The following A2ML1 variants were observed in gnomAD, a reference collection of about 807,000 sequenced individuals.
The protein encoded by A2ML1 is alpha-2-macroglobulin like 1.
In A2ML1, 161 loss-of-function variants were observed where a neutral mutation model predicts 181.9. The observed-to-expected ratio is 0.89, with a 90% CI of 0.78 to 1.01. The LOEUF (loss-of-function observed/expected upper bound fraction) is 1.01, where lower values mean the gene tolerates loss of function less well. Ranked by LOEUF, A2ML1 falls within the 50% of genes least tolerant of loss-of-function variation. The pLI, the probability that A2ML1 is intolerant of heterozygous loss-of-function variation, is 0.00. For synonymous variants in A2ML1, 663 were observed against 666.8 expected, an observed-to-expected ratio of 0.99 and a Z score of 0.09; for missense variants, 1,670 against 1,768.1, an observed-to-expected ratio of 0.94 and a Z score of 1.00.
intron 3 of A2ML1, among the ~76,000 whole-genome samples, chr12:8,825,819 A>G (rs1312169441): frequency 1.3e-5 from 2 of 152,206 alleles, no homozygotes; most frequent in Non-Finnish European, 2.9e-5. Flanking sequence ...GCATATGGAT[A>G]TCCAATTTTC....
At chr12:8,867,675 T>A (rs1439477503) in intron 29 of A2ML1, among the ~76,000 whole-genome samples, 167 bp from the exon 30 acceptor site, 1 of 150,778 alleles carries the variant, frequency 6.6e-6, no homozygotes, top group Non-Finnish European at 1.5e-5. Context: ...GCTACTGTGA[T>A]TTCTAGGCCA....
At chr12:8,838,773 A>G (rs1202796018) in intron 9 of A2ML1, among the ~76,000 whole-genome samples, 2 of 151,922 alleles carry the variant, frequency 1.3e-5, no homozygotes, top group Non-Finnish European at 2.9e-5. Flanking sequence ...TTAGCCGGGC[A>G]TGGTGACGGG....
intron 22 of A2ML1, among the ~76,000 whole-genome samples, 174 bp downstream of exon 22, chr12:8,855,005 C>T (rs780458613): frequency 1.3e-4 from 20 of 151,418 alleles, no homozygotes; most frequent in African/African-American, 4.6e-4. Context: ...AGTGATTCTA[C>T]TGCCTTAGTC....
chr12:8,865,639 T>C (rs983406839), intron 29 of A2ML1, among the ~76,000 whole-genome samples: 2 of 152,170 alleles, frequency 1.3e-5, no homozygotes, highest in Non-Finnish European at 2.9e-5. Context: ...AGGAGAAACA[T>C]TGGACTTGAA....
chr12:8,870,726 G>A (rs898535861), intron 33 of A2ML1, among the ~76,000 whole-genome samples: 4 of 152,120 alleles, frequency 2.6e-5, no homozygotes, highest in African/African-American at 9.7e-5. Flanking sequence ...AGGAGACAGA[G>A]TTGGAGAGAG....
chr12:8,831,775 G>A (rs12308001), intron 4 of A2ML1, among the ~76,000 whole-genome samples: 4,613 of 151,828 alleles, frequency 0.03, 244 homozygotes, highest in African/African-American at 0.11. Context: ...TTGAGACGGA[G>A]TTTCATTCTT....
intron 11 of A2ML1, among the ~76,000 whole-genome samples, chr12:8,842,463 C>T (rs1340907783): frequency 3.9e-5 from 6 of 152,126 alleles, no homozygotes; most frequent in Non-Finnish European, 8.8e-5. Context: ...TCGTGATCCG[C>T]CCGCCTTGGC....
chr12:8,879,318 C>A (rs1240387946), downstream of A2ML1, among the ~76,000 whole-genome samples: 1 of 151,966 alleles, frequency 6.6e-6, no homozygotes. Context: ...ATGGTGAAAC[C>A]CTGTCCCTAC....
downstream of A2ML1, among the ~76,000 whole-genome samples, chr12:8,878,739 G>T (rs1464594182): frequency 2.0e-5 from 3 of 152,166 alleles, no homozygotes; most frequent in Non-Finnish European, 4.4e-5. This position sits in a 1 kb window ranked among gnomAD's most constrained non-coding sequence, Gnocchi z 4.4. Context: ...CAAGGTGGGT[G>T]GATCGCTTGA....
chr12:8,837,865 G>A (rs1165146205), intron 8 of A2ML1, among the ~76,000 whole-genome samples: 2 of 141,888 alleles, frequency 1.4e-5, no homozygotes, highest in African/African-American at 5.3e-5. Context: ...GGGTGACAGA[G>A]CAACACTCAG....
chr12:8,877,114 G>A (rs1322290276), downstream of A2ML1, among the ~76,000 whole-genome samples: 9 of 152,174 alleles, frequency 5.9e-5, no homozygotes, highest in African/African-American at 9.7e-5. Flanking sequence ...ACCTATCACC[G>A]TGCAAGCACT....
In A2ML1 at chr12:8,837,538, C is replaced by G. The variant is rs201979319; in HGVS notation, c.827C>G (p.Pro276Arg). Residue 276 changes from proline to arginine, a missense_variant, in exon 8 of 36, where the codon CCT (proline) becomes CGT (arginine). Pro to Arg is a moderately radical substitution (Grantham distance 103, BLOSUM62 -2). Coordinates refer to ENST00000299698, the MANE Select transcript of A2ML1 (RefSeq NM_144670.6). ...CGAGAGGTGGAACGGGAACAGCTTC[C>G]TGACAAATGCAGGAACCTCTCTGGA... ...WYREVEREQL[P>R]DKCRNLSGQT... is the part of the protein sequence containing the mutation. 1.2e-4 allele frequency: 196 copies of G among 1,613,772 alleles called. No homozygotes were observed. The highest frequency in any genetic ancestry group is 1.6e-4 in the Non-Finnish European group (183 of 1,179,818).
chr12:8,842,423 G>T (rs1378472873), intron 11 of A2ML1, among the ~76,000 whole-genome samples: 2 of 152,024 alleles, frequency 1.3e-5, no homozygotes, highest in Admixed American at 6.5e-5. Context: ...GTTTCACTGT[G>T]TTAGCCAGGA....
intron 2 of A2ML1, 121 bp from the exon 3 acceptor site, chr12:8,823,599 C>A: frequency 1.7e-6 from 2 of 1,205,956 alleles, no homozygotes; most frequent in Non-Finnish European, 2.3e-6. Context: ...TGTTTTATGT[C>A]TCTATCCTTG....
At chr12:8,882,480 C>G (rs1329818464) in intron 7 of A2ML1, among the ~76,000 whole-genome samples, 1 of 152,190 alleles carries the variant, frequency 6.6e-6, no homozygotes, top group Non-Finnish European at 1.5e-5. Flanking sequence ...TATCCTTCTT[C>G]CTGTAGCCCT....
intron 4 of A2ML1, among the ~76,000 whole-genome samples, chr12:8,833,853 A>C (rs1943192657): frequency 1.3e-5 from 2 of 152,064 alleles, no homozygotes; most frequent in South Asian, 4.2e-4. Flanking sequence ...TTTTTGAAGA[A>C]TTGCCATTAT....
At position 8,857,940 on chromosome 12, in the gene A2ML1, A is replaced by G. The variant is rs772515643; in HGVS notation, c.3108-6A>G. ...TCATGCCATATTTTCCTCTTTACCC[A>G]TGTAGGCTGACAGCGTTTGTCACAA... On this transcript the variant is annotated splice_polypyrimidine_tract_variant and splice_region_variant and intron_variant, in intron 25 of 35. Transcript: ENST00000299698. 30 of 1,613,146 alleles carry G rather than the reference A, an allele frequency of 1.9e-5. No homozygotes were observed. The highest frequency in any genetic ancestry group is 6.7e-5 in the Admixed American group (4 of 59,548).
chr12:8,852,140 C>T lies in A2ML1; in HGVS notation c.2464-70C>T, dbSNP rs1209537789. On this transcript the variant is annotated intron_variant, in intron 19 of 35. Transcript: ENST00000299698. The surrounding 1 kb of genome is among the most constrained non-coding windows in gnomAD (Gnocchi z 4.2). ...GAGGAGATGTCGGCGTCTCAGCCCC[C>T]AGGTTTCCCCAGGCCTCTATGCACT... 48 of 1,598,866 alleles carry T rather than the reference C, an allele frequency of 3.0e-5. No individual in the cohort carries two copies. In the South Asian group the frequency reaches 3.6e-4, roughly 12 times the overall value.
chr12:8,822,725 G>A lies in A2ML1; in HGVS notation c.62+12G>A, dbSNP rs1480844996. On this transcript the variant is annotated intron_variant, in intron 1 of 35. Coordinates refer to ENST00000299698, the MANE Select transcript of A2ML1 (RefSeq NM_144670.6). ...GCAGAAGAACTTCCGTGAGTGCTTG[G>A]TGTCAGAATTGGTTTATTAGGGCAG... The A allele has an allele frequency of 1.9e-6, 3 of 1,613,930 alleles. No individual in the cohort carries two copies. The highest frequency in any genetic ancestry group is 2.5e-6 in the Non-Finnish European group (3 of 1,179,808).
Sources: allele counts gnomAD v4.1 joint callset (sites outside exome capture counted in the v4.1 genomes callset), GRCh38; gene constraint gnomAD v4.1.1; non-coding constraint Gnocchi (gnomAD v3.1); transcripts MANE v1.5; gene names NCBI Gene and HGNC (gene_info 2026-07-23, HGNC 2026-07-21).